TNNT2: variants seen among roughly 807,000 people sequenced by gnomAD.
TNNT2 encodes the protein troponin T, cardiac muscle.
TNNT2 carries 34 observed loss-of-function variants against 62.4 expected under a neutral mutation model. The observed-to-expected ratio is 0.54, with a 90% CI of 0.41 to 0.72. The LOEUF (loss-of-function observed/expected upper bound fraction) is 0.72, where lower values mean the gene tolerates loss of function less well. Among genes scored for constraint, TNNT2 ranks in the 30% least tolerant of loss-of-function variants. The pLI is 0.00. For missense variants in TNNT2, 275 were observed against 381.9 expected, an observed-to-expected ratio of 0.72 and a Z score of 2.33; for synonymous variants, 123 against 127.2, an observed-to-expected ratio of 0.97 and a Z score of 0.22.
At chr1:201,373,344 T>C in intron 1 of TNNT2, 76 bp from the exon 2 acceptor site, 1 of 1,325,814 alleles carries the variant, frequency 7.5e-7, no homozygotes, top group Non-Finnish European at 1.1e-6. Context: ...GCCCCCGTTG[T>C]ACAGAGATCA....
In TNNT2 at chr1:201,372,010, C is replaced by T; in HGVS notation, c.67+17G>A. On this transcript the variant is annotated intron_variant, in intron 4 of 16. Coordinates refer to ENST00000656932, the MANE Select transcript of TNNT2 (RefSeq NM_001276345.2). ...AGCCTGCCCCTTTCTGGCTCTCCACCTGCCTGAGGCACATACCTTCAACAG... is the reference window on the plus strand; with the variant it reads ...AGCCTGCCCCTTTCTGGCTCTCCACTTGCCTGAGGCACATACCTTCAACAG... 2.5e-6 allele frequency: 4 copies of T among 1,613,870 alleles called. No individual in the cohort carries two copies. Among genetic ancestry groups the T allele is most frequent in the Non-Finnish European group, 3.4e-6 (4 of 1,179,980 alleles).
intron 5 of TNNT2, 94 bp from the exon 6 acceptor site, chr1:201,368,321 TG>T: frequency 7.6e-7 from 1 of 1,318,512 alleles, no homozygotes; most frequent in Non-Finnish European, 1.1e-6. Context: ...GGAGTGGGGA[TG>T]GGGGTCAAGA....
intron 8 of TNNT2, chr1:201,366,280 C>G (rs1019661541): frequency 9.8e-6 from 10 of 1,025,028 alleles, no homozygotes; most frequent in Non-Finnish European, 1.2e-5. Context: ...ATGGGAAGAG[C>G]CTGTGAGTGG....
At chr1:201,367,008 C>G in intron 7 of TNNT2, 137 bp from the exon 8 acceptor site, 1 of 1,446,506 alleles carries the variant, frequency 6.9e-7, no homozygotes, top group Non-Finnish European at 9.5e-7. Flanking sequence ...CTGGGGAGCC[C>G]TGATTCCAGA....
At chr1:201,366,805 C>A in intron 8 of TNNT2, 33 bp downstream of exon 8, 1 of 1,614,120 alleles carries the variant, frequency 6.2e-7, no homozygotes, top group Non-Finnish European at 8.5e-7. Context: ...TGAGCCTCTG[C>A]TCCCGGCTCT....
intron 8 of TNNT2, chr1:201,366,501 T>C: frequency 8.3e-7 from 1 of 1,206,710 alleles, no homozygotes; most frequent in Non-Finnish European, 1.0e-6. Flanking sequence ...TTTGCTTCCC[T>C]TAATCCCAAG....
At chr1:201,363,501 G>C in intron 11 of TNNT2, 95 bp from the exon 12 acceptor site, 2 of 1,169,782 alleles carry the variant, frequency 1.7e-6, no homozygotes, top group Non-Finnish European at 2.6e-6. Context: ...GGTGAGTTCA[G>C]CTTTCTCTCC....
At chr1:201,368,394 T>A (rs1190030443) in intron 5 of TNNT2, 167 bp from the exon 6 acceptor site, 5 of 733,730 alleles carry the variant, frequency 6.8e-6, no homozygotes, top group Non-Finnish European at 1.2e-5. Context: ...TTCTTGGTTT[T>A]GACTGTCGGC....
Position 201,359,100 on chromosome 1 carries a change from T to A in TNNT2, c.*110A>T, listed in dbSNP as rs1658100294. 2 of 1,444,024 alleles carry A rather than the reference T, an allele frequency of 1.4e-6. No individual in the cohort carries two copies. Among genetic ancestry groups the A allele is most frequent in the Non-Finnish European group, 1.9e-6 (2 of 1,050,124 alleles). The allele number at this position is 1,444,024 out of a possible 1,614,324, so 89.5% of individuals were successfully genotyped here. ...GGCTCCCACCTAGGCCAGCTCCCCA[T>A]TTCCAAACAGGAGCTGCCTGGGGTG... is the stretch of plus-strand genomic sequence containing the variant. On this transcript the variant is annotated 3_prime_UTR_variant, in exon 17 of 17. Transcript: ENST00000656932.
intron 9 of TNNT2, 106 bp from the exon 10 acceptor site, chr1:201,365,413 G>C: frequency 8.3e-7 from 1 of 1,212,050 alleles, no homozygotes; most frequent in Non-Finnish European, 1.2e-6. Flanking sequence ...CTCTGGCAGG[G>C]CCTGGCGCCT....
chr1:201,367,311 A>C, intron 7 of TNNT2: 1 of 382,688 alleles, frequency 2.6e-6, no homozygotes, highest in Non-Finnish European at 4.9e-6. Flanking sequence ...TCCAAGCCCC[A>C]GCTGGTTGTC....
chr1:201,359,772 G>A (rs1374397338), intron 15 of TNNT2, 109 bp from the exon 16 acceptor site: 5 of 940,740 alleles, frequency 5.3e-6, no homozygotes, highest in South Asian at 1.4e-5. Flanking sequence ...TGCAGGAGGA[G>A]AAGGAGGAGC....
chr1:201,377,094 G>A (rs1661513910), intron 1 of TNNT2, among the ~76,000 whole-genome samples: 1 of 152,214 alleles, frequency 6.6e-6, no homozygotes, highest in East Asian at 1.9e-4. Flanking sequence ...GACAGTTTCT[G>A]AGTTCCTAGC....
intron 16 of TNNT2, 117 bp downstream of exon 16, chr1:201,359,506 G>T: frequency 8.8e-7 from 1 of 1,142,220 alleles, no homozygotes; most frequent in Non-Finnish European, 1.3e-6. Flanking sequence ...CCTGTGGGCT[G>T]AAGCAGAGGA....
intron 12 of TNNT2, 98 bp from the exon 13 acceptor site, chr1:201,362,492 A>T: frequency 2.0e-6 from 3 of 1,463,492 alleles, no homozygotes; most frequent in South Asian, 2.4e-5. Context: ...AAGGAGAGAC[A>T]TGGAAGAGAA....
intron 1 of TNNT2, among the ~76,000 whole-genome samples, chr1:201,376,587 G>A (rs1471671264): frequency 6.6e-6 from 1 of 152,162 alleles, no homozygotes; most frequent in Non-Finnish European, 1.5e-5. Flanking sequence ...TTCCACTTTT[G>A]CAGAGAGAAG....
chr1:201,359,726 G>T (rs1402794975), intron 15 of TNNT2, 63 bp from the exon 16 acceptor site: 3 of 1,476,414 alleles, frequency 2.0e-6, no homozygotes, highest in Non-Finnish European at 2.8e-6. Flanking sequence ...GTCCCAGGTG[G>T]CCTGGGGATG....
chr1:201,374,410 C>T (rs1013224868), intron 1 of TNNT2: 4 of 152,172 alleles, frequency 2.6e-5, no homozygotes, highest in African/African-American at 9.7e-5. Context: ...AACCTCAGTC[C>T]TTTCTCTGTC....
chr1:201,366,568 T>C, intron 8 of TNNT2: 1 of 1,355,264 alleles, frequency 7.4e-7, no homozygotes, highest in Non-Finnish European at 9.5e-7. Context: ...GAGGAGAGTG[T>C]CCGTTCAGGG....
Sources: allele counts gnomAD v4.1 joint callset (sites outside exome capture counted in the v4.1 genomes callset), GRCh38; gene constraint gnomAD v4.1.1; transcripts MANE v1.5; gene names NCBI Gene and HGNC (gene_info 2026-07-23, HGNC 2026-07-21).